The following XKR4 variants were observed in gnomAD, a reference collection of about 807,000 sequenced individuals.
The protein encoded by XKR4 is XK related 4.
In XKR4, 12 loss-of-function variants were observed where a neutral mutation model predicts 53.9. The observed-to-expected ratio is 0.22, with a 90% confidence interval of 0.14 to 0.36. The LOEUF is 0.36. XKR4 is among the 10% of genes least tolerant of loss of function. The pLI is 1.00. For synonymous variants in XKR4, 354 were observed against 362.4 expected, an observed-to-expected ratio of 0.98 and a Z score of 0.26; for missense variants, 799 against 859.5, an observed-to-expected ratio of 0.93 and a Z score of 0.88.
chr8:55,151,032 TG>T (rs1429132334), intron 1 of XKR4, among the ~76,000 whole-genome samples: 2 of 152,200 alleles, frequency 1.3e-5, no homozygotes, highest in Non-Finnish European at 1.5e-5. Context: ...TTACTCAACT[TG>T]CACTCAGTAT....
intron 2 of XKR4, chr8:55,454,171 G>T: frequency 2.0e-6 from 2 of 991,186 alleles, no homozygotes; most frequent in Middle Eastern, 4.7e-4. Context: ...TTAGAACACT[G>T]TGCGTCTGAC....
chr8:55,426,813 T>C (rs1805022193), intron 2 of XKR4, among the ~76,000 whole-genome samples: 1 of 152,254 alleles, frequency 6.6e-6, no homozygotes, highest in Non-Finnish European at 1.5e-5. Flanking sequence ...AGTTAAGCAG[T>C]TGAATACATT....
chr8:55,194,022 T>C (rs1817475713), intron 1 of XKR4, among the ~76,000 whole-genome samples: 1 of 152,134 alleles, frequency 6.6e-6, no homozygotes, highest in Admixed American at 6.5e-5. Context: ...ACCACAGAGC[T>C]CCCTGCCTGG....
chr8:55,120,392 C>CTG (rs1816374435), intron 1 of XKR4, among the ~76,000 whole-genome samples: 1 of 151,962 alleles, frequency 6.6e-6, no homozygotes, highest in Non-Finnish European at 1.5e-5. Context: ...CCTGGAAAGA[C>CTG]CTCTGTTGGT....
intron 2 of XKR4, among the ~76,000 whole-genome samples, chr8:55,406,364 A>G (rs1415076609): frequency 6.6e-6 from 1 of 152,214 alleles, no homozygotes; most frequent in Non-Finnish European, 1.5e-5. Flanking sequence ...AGCTACACTC[A>G]AAGCACCTTA....
intron 1 of XKR4, among the ~76,000 whole-genome samples, chr8:55,298,717 C>G (rs1451867370): frequency 6.6e-6 from 1 of 152,182 alleles, no homozygotes; most frequent in Non-Finnish European, 1.5e-5. Flanking sequence ...CACATTTGCT[C>G]TACCATTTTC....
chr8:55,431,031 T>G lies in XKR4; in HGVS notation c.1006+73154T>G, dbSNP rs1343584825. On this transcript the variant is annotated intron_variant, in intron 2 of 2. Coordinates refer to ENST00000327381, the MANE Select transcript of XKR4 (RefSeq NM_052898.2). Reference sequence around the variant, plus strand: ...AACTGAGTAAAGGGTATACAGGATCTCTCCATATTATTTCTTACAACTGCA... The same window carrying G: ...AACTGAGTAAAGGGTATACAGGATCGCTCCATATTATTTCTTACAACTGCA... Among the ~76,000 whole-genome samples, 9 of 152,124 alleles carry G rather than the reference T, an allele frequency of 5.9e-5. No homozygotes were observed. The East Asian group carries it at 1.5e-3, about 26-fold the overall frequency.
At chr8:55,149,255 A>T (rs1816810222) in intron 1 of XKR4, among the ~76,000 whole-genome samples, 1 of 152,142 alleles carries the variant, frequency 6.6e-6, no homozygotes, top group Admixed American at 6.5e-5. Flanking sequence ...TATCTAACTA[A>T]TTGTTTCCAT....
At chr8:55,274,971 C>T (rs1818744877) in intron 1 of XKR4, among the ~76,000 whole-genome samples, 1 of 152,112 alleles carries the variant, frequency 6.6e-6, no homozygotes, top group Non-Finnish European at 1.5e-5. Context: ...TGTATTGAAA[C>T]TAATCTGGGA....
chr8:55,493,981 C>T (rs565111074), intron 2 of XKR4, among the ~76,000 whole-genome samples: 1 of 152,186 alleles, frequency 6.6e-6, no homozygotes, highest in South Asian at 2.1e-4. Context: ...GCTAGTGGTG[C>T]CTTTGCCCGA....
intron 1 of XKR4, among the ~76,000 whole-genome samples, chr8:55,348,003 T>C (rs1249397952): frequency 6.6e-6 from 1 of 152,010 alleles, no homozygotes; most frequent in African/African-American, 2.4e-5. Context: ...AGCCCCAACC[T>C]CCACCCTACC....
chr8:55,368,401 C>T (rs887935712), intron 2 of XKR4, among the ~76,000 whole-genome samples: 1 of 152,204 alleles, frequency 6.6e-6, no homozygotes, highest in Non-Finnish European at 1.5e-5. Flanking sequence ...CCCACTGGCT[C>T]GTGTGAGTCC....
At chr8:55,511,401 C>T (rs966138133) in intron 2 of XKR4, among the ~76,000 whole-genome samples, 1 of 152,192 alleles carries the variant, frequency 6.6e-6, no homozygotes, top group Non-Finnish European at 1.5e-5. Flanking sequence ...GTCCCAGGAC[C>T]TCAGAAGGGT....
intron 1 of XKR4, among the ~76,000 whole-genome samples, chr8:55,315,512 C>G (rs1819459940): frequency 6.6e-6 from 1 of 152,100 alleles, no homozygotes; most frequent in Non-Finnish European, 1.5e-5. Context: ...ACTCAGCACC[C>G]GTTTGAATGG....
intron 2 of XKR4, among the ~76,000 whole-genome samples, chr8:55,381,457 GC>G (rs775765571): frequency 1.3e-5 from 2 of 152,188 alleles, no homozygotes; most frequent in Non-Finnish European, 2.9e-5. Context: ...GTGTAGCTCA[GC>G]CAGGGCCAAA....
chr8:55,239,978 C>T (rs1417420773), intron 1 of XKR4, among the ~76,000 whole-genome samples: 1 of 152,190 alleles, frequency 6.6e-6, no homozygotes, highest in East Asian at 1.9e-4. Flanking sequence ...ACTAAGTACC[C>T]TGCTTCTGTG....
At chr8:55,337,402 A>G (rs1281309720) in intron 1 of XKR4, among the ~76,000 whole-genome samples, 2 of 152,160 alleles carry the variant, frequency 1.3e-5, no homozygotes, top group African/African-American at 2.4e-5. Context: ...ATGCAATTTA[A>G]TATTTCTTTA....
intron 2 of XKR4, among the ~76,000 whole-genome samples, chr8:55,414,136 A>C (rs551747750): frequency 2.9e-4 from 44 of 152,328 alleles, no homozygotes; most frequent in African/African-American, 1.0e-3. Context: ...CCTCAAGCAG[A>C]GATTATACTT....
rs1403221204 is a variant in XKR4 at position 55,509,827 on chromosome 8, A to G, written c.1007-13454A>G. 2.6e-5 allele frequency among the ~76,000 whole-genome samples: 4 copies of G among 152,324 alleles called. No homozygotes were observed. The East Asian group carries it at 7.7e-4, about 29-fold the overall frequency. ...GGTCTGATCATCTGTTCTTTCGGCA[A>G]GAAAGGCATCTCTCACAGCCAGCGC... On this transcript the variant is annotated intron_variant, in intron 2 of 2. Coordinates refer to ENST00000327381, the MANE Select transcript of XKR4 (RefSeq NM_052898.2).
Sources: allele counts gnomAD v4.1 joint callset (sites outside exome capture counted in the v4.1 genomes callset), GRCh38; gene constraint gnomAD v4.1.1; transcripts MANE v1.5; gene names NCBI Gene and HGNC (gene_info 2026-07-23, HGNC 2026-07-21).